Variants in CD99L2 observed in about 807,000 individuals in gnomAD.
The protein encoded by CD99L2 is CD99 antigen-like protein 2.
A neutral mutation model predicts 27.3 loss-of-function variants in CD99L2; 24 were observed. The observed-to-expected ratio is 0.88, with a 90% CI of 0.64 to 1.24. The LOEUF is 1.24. CD99L2 is among the 50% of genes most tolerant of loss of function. CD99L2 has a pLI of 0.00. For missense variants in CD99L2, 255 were observed against 221.6 expected (o/e 1.15, Z -0.96); for synonymous variants, 97 against 87.9 (o/e 1.10, Z -0.58).
At chrX:150,857,436 G>A (rs1557421788) in intron 1 of CD99L2, among the ~76,000 whole-genome samples, 2 of 107,273 alleles carry the variant, frequency 1.9e-5, no homozygotes, top group Non-Finnish European at 3.9e-5. Context: ...GGCCAGGAGA[G>A]AATGGCACGA....
At chrX:150,796,738 T>G (rs1436988447) in intron 4 of CD99L2, among the ~76,000 whole-genome samples, 24 of 112,269 alleles carry the variant, frequency 2.1e-4, no homozygotes, top group African/African-American at 7.8e-4. Context: ...GAGATCATAT[T>G]CTGAACCAGG....
At position 150,778,310 on chromosome X, in the gene CD99L2, A is replaced by T. The variant is rs1385162881; in HGVS notation, c.497-828T>A. Reference sequence around the variant, plus strand: ...CTCTTCTCAGGGCCGAACACTCATTAATGGAGGGAGACTGTGTTCCCAGAG... The same window carrying T: ...CTCTTCTCAGGGCCGAACACTCATTTATGGAGGGAGACTGTGTTCCCAGAG... On this transcript the variant is annotated intron_variant, in intron 7 of 10. Coordinates refer to ENST00000370377, the MANE Select transcript of CD99L2 (RefSeq NM_031462.4). Among the ~76,000 whole-genome samples, 3 of 110,020 alleles carry T rather than the reference A, an allele frequency of 2.7e-5. No homozygotes were observed. The East Asian group carries it at 8.6e-4, about 31-fold the overall frequency.
At chrX:150,776,130 C>T in intron 9 of CD99L2, 44 bp downstream of exon 9, 1 of 1,200,406 alleles carries the variant, frequency 8.3e-7, no homozygotes, top group Non-Finnish European at 1.1e-6. Context: ...CCTCCAAAGA[C>T]CTTGCCAGCT....
intron 4 of CD99L2, among the ~76,000 whole-genome samples, chrX:150,805,188 AAAAC>A (rs1209592226): frequency 1.5e-4 from 17 of 111,473 alleles, no homozygotes; most frequent in Middle Eastern, 4.6e-3. Flanking sequence ...ACTCCGACTC[AAAAC>A]AAACAAACAA....
At chrX:150,877,134 A>AAAAG (rs1298908338) in intron 1 of CD99L2, among the ~76,000 whole-genome samples, 2 of 109,786 alleles carry the variant, frequency 1.8e-5, no homozygotes, top group East Asian at 2.8e-4. Flanking sequence ...AAAAAAAAAA[A>AAAAG]AAAGAAAGAA....
rs782721417 is a variant in CD99L2, at chrX:150,795,493, G to C, written c.278-7C>G. The C allele has an allele frequency of 2.5e-6, 3 of 1,209,602 alleles. No homozygotes were observed. Among genetic ancestry groups the C allele is most frequent in the Non-Finnish European group, 2.2e-6 (2 of 894,123 alleles). On this transcript the variant is annotated splice_region_variant and splice_polypyrimidine_tract_variant and intron_variant, in intron 4 of 10. Coordinates refer to ENST00000370377, the MANE Select transcript of CD99L2 (RefSeq NM_031462.4). The stretch of plus-strand genomic sequence containing the variant: ...GTTACATGGTTCCATCTCTCTAAAA[G>C]GGGAAGGGAGGACAGCAAAGGGAGC...
chrX:150,892,402 T>A (rs1557422871), intron 1 of CD99L2, among the ~76,000 whole-genome samples: 1 of 106,614 alleles, frequency 9.4e-6, no homozygotes, highest in Non-Finnish European at 1.9e-5. Context: ...GTCAGGAGAT[T>A]GAGACCATCC....
At chrX:150,831,193 C>T (rs782680804) in intron 2 of CD99L2, 38 bp downstream of exon 2, 3 of 1,025,887 alleles carry the variant, frequency 2.9e-6, no homozygotes, top group East Asian at 3.0e-5. Flanking sequence ...TTAATCACTA[C>T]TGTTTGTTTT....
chrX:150,849,105 C>G (rs2046750174), intron 1 of CD99L2, among the ~76,000 whole-genome samples: 1 of 111,602 alleles, frequency 9.0e-6, no homozygotes, highest in African/African-American at 3.3e-5. Flanking sequence ...AATTCCCTTC[C>G]CAAATATACC....
At chrX:150,865,164 A>G (rs2047041630) in intron 1 of CD99L2, among the ~76,000 whole-genome samples, 1 of 109,946 alleles carries the variant, frequency 9.1e-6, no homozygotes, top group Non-Finnish European at 1.9e-5. Context: ...AGAGGGGGGG[A>G]AAGTATAGAT....
intron 1 of CD99L2, among the ~76,000 whole-genome samples, chrX:150,841,898 T>C (rs1159241311): frequency 9.0e-6 from 1 of 111,730 alleles, no homozygotes; most frequent in African/African-American, 3.3e-5. Context: ...CCTCAAAAGG[T>C]GCAAAATAGG....
chrX:150,791,604 G>C (rs2045689353), intron 7 of CD99L2, among the ~76,000 whole-genome samples: 1 of 111,424 alleles, frequency 9.0e-6, no homozygotes, highest in Non-Finnish European at 1.9e-5. Flanking sequence ...CATACTCTAG[G>C]GTATACATGG....
chrX:150,849,579 G>C (rs1208846794), intron 1 of CD99L2, among the ~76,000 whole-genome samples: 2 of 111,153 alleles, frequency 1.8e-5, no homozygotes, highest in African/African-American at 6.6e-5. Flanking sequence ...CTACTCAGCA[G>C]GCTGAGGTGG....
chrX:150,783,152 G>T (rs374586067), intron 7 of CD99L2, among the ~76,000 whole-genome samples: 1 of 101,684 alleles, frequency 9.8e-6, no homozygotes, highest in Non-Finnish European at 2.0e-5. Context: ...CGGGGGGTAG[G>T]GGGGTAGGGG....
At chrX:150,808,431 G>C (rs1557420299) in intron 4 of CD99L2, among the ~76,000 whole-genome samples, 1 of 112,332 alleles carries the variant, frequency 8.9e-6, no homozygotes, top group East Asian at 2.8e-4. Flanking sequence ...GCACCAAATG[G>C]TACTAGGAGT....
Position 150,769,086 on chromosome X carries a change from A to C in CD99L2, c.737T>G (p.Leu246Trp), listed in dbSNP as rs2043363552. 10 of 1,162,896 alleles carry C rather than the reference A, an allele frequency of 8.6e-6. No individual in the cohort carries two copies. Among genetic ancestry groups the C allele is most frequent in the Non-Finnish European group, 1.1e-5 (10 of 877,558 alleles). The change falls in exon 11 of 11, where the codon TTG becomes TGG. Residue 246 changes from leucine (L) to tryptophan (W), a missense_variant. Physicochemically the swap from Leu to Trp is moderately conservative, Grantham distance 61 (BLOSUM62 -2). Transcript: ENST00000370377. The part of the protein sequence containing the change: ...CEEPQVKYST[L>W]HTQSAEPPPP... ...CGGCGGCTCTGCAGACTGCGTGTGC[A>C]ACGTGGAGTATTTCACTAGGGGAAA...
chrX:150,866,499 A>G (rs2047063254), intron 1 of CD99L2, among the ~76,000 whole-genome samples: 1 of 111,400 alleles, frequency 9.0e-6, no homozygotes, highest in African/African-American at 3.3e-5. Context: ...TTGGGAGGCC[A>G]AGGCAGAAGG....
chrX:150,871,416 C>T (rs1569566130), intron 1 of CD99L2, among the ~76,000 whole-genome samples: 1 of 111,543 alleles, frequency 9.0e-6, no homozygotes. Context: ...GGGAGGGCAT[C>T]CACAGATTCA....
At chrX:150,821,235 T>C (rs2046238809) in intron 2 of CD99L2, among the ~76,000 whole-genome samples, 1 of 111,548 alleles carries the variant, frequency 9.0e-6, no homozygotes, top group African/African-American at 3.3e-5. Context: ...AAGAGCAAAA[T>C]AGCAGTCACA....
Sources: gnomAD v4.1 joint callset for allele counts (sites outside exome capture counted in the v4.1 genomes callset) on GRCh38, gnomAD v4.1.1 for gene constraint, MANE v1.5 for transcripts, NCBI Gene and HGNC (gene_info 2026-07-23, HGNC 2026-07-21) for gene names.